Variants in MREG observed in about 807,000 individuals in gnomAD.
MREG encodes the protein melanoregulin.
A neutral mutation model predicts 28.5 loss-of-function variants in MREG; 31 were observed. The ratio of observed to expected loss-of-function variants is 1.09; its 90% CI spans 0.82 to 1.47. MREG has a LOEUF of 1.47. MREG is among the 40% of genes most tolerant of loss of function. MREG has a pLI of 0.00. For missense variants in MREG, 256 were observed against 257.4 expected, an observed-to-expected ratio of 0.99 and a Z score of 0.04; for synonymous variants, 106 against 95.2, an observed-to-expected ratio of 1.11 and a Z score of -0.66.
chr2:216,011,271 C>T lies in MREG; in HGVS notation c.95+1962G>A, dbSNP rs554773709. The stretch of plus-strand genomic sequence containing the variant: ...CAGGTACCCATATACACACACGCCA[C>T]TGTTCCACGTATCCATTAATAAGCT... On this transcript the variant is annotated intron_variant, in intron 1 of 4. Coordinates refer to ENST00000263268, the MANE Select transcript of MREG (RefSeq NM_018000.3). 5.3e-5 allele frequency among the ~76,000 whole-genome samples: 8 copies of T among 152,316 alleles called. No homozygotes were observed. In the East Asian group the frequency reaches 1.5e-3, roughly 29 times the overall value.
chr2:216,004,807 C>T (rs897107820), intron 1 of MREG, among the ~76,000 whole-genome samples: 1 of 152,040 alleles, frequency 6.6e-6, no homozygotes, highest in African/African-American at 2.4e-5. Flanking sequence ...ATGTGACATT[C>T]AGAACTGTAA....
chr2:215,982,648 G>A (rs1693462480), intron 2 of MREG, among the ~76,000 whole-genome samples: 1 of 152,058 alleles, frequency 6.6e-6, no homozygotes, highest in African/African-American at 2.4e-5. Flanking sequence ...GCCAATAACT[G>A]CTTGGGAACT....
intron 4 of MREG, 92 bp downstream of exon 4, chr2:215,945,479 G>T: frequency 1.4e-6 from 2 of 1,434,258 alleles, no homozygotes; most frequent in Non-Finnish European, 1.9e-6. Context: ...TGATAGTGAT[G>T]GTGGTGTTGG....
Position 216,013,237 on chromosome 2 carries a change from C to G in MREG, c.91G>C (p.Val31Leu), listed in dbSNP as rs773634849. The G allele has an allele frequency of 7.7e-6, 12 of 1,549,160 alleles. No individual in the cohort carries two copies. In the South Asian group the frequency reaches 1.3e-4, roughly 17 times the overall value. ...CGGCCCGGGCGGCGCACCCACCTGA[C>G]GAGGGGCTCCTTCTCAGGCAGGGCG... ...ERALPEKEPL[V>L]SDNNPYSSFG... Residue 31 changes from valine (V) to leucine (L), a missense_variant, in exon 1 of 5, where the codon GTC (valine) becomes CTC (leucine). By Grantham distance (32) the Val-to-Leu change is conservative. Transcript: ENST00000263268.
At chr2:215,998,969 T>C (rs1275313498) in intron 1 of MREG, among the ~76,000 whole-genome samples, 2 of 152,158 alleles carry the variant, frequency 1.3e-5, no homozygotes, top group Non-Finnish European at 2.9e-5. Context: ...TGATACGTTA[T>C]GTATGATGAG....
chr2:215,984,450 C>A (rs142213603), intron 2 of MREG, among the ~76,000 whole-genome samples: 1 of 139,104 alleles, frequency 7.2e-6, no homozygotes, highest in African/African-American at 2.8e-5. Context: ...CCCAGGAGGT[C>A]GAGGCTATCA....
chr2:215,979,873 T>C (rs1461999257), intron 2 of MREG, among the ~76,000 whole-genome samples: 2 of 151,290 alleles, frequency 1.3e-5, no homozygotes, highest in Non-Finnish European at 2.9e-5. Flanking sequence ...AAAATGTATA[T>C]GTCATCGACT....
intron 2 of MREG, among the ~76,000 whole-genome samples, chr2:215,984,416 G>A (rs1693509823): frequency 6.7e-6 from 1 of 150,262 alleles, no homozygotes. Context: ...GCTTTGGGAG[G>A]CCAAGGCAGA....
intron 1 of MREG, among the ~76,000 whole-genome samples, chr2:216,023,802 G>T (rs1295639280): frequency 6.6e-6 from 1 of 152,004 alleles, no homozygotes; most frequent in Admixed American, 6.6e-5. Context: ...TGAGTAGCTG[G>T]GATTACAGGC....
chr2:215,964,159 T>C (rs1213381112), intron 2 of MREG, among the ~76,000 whole-genome samples: 2 of 152,072 alleles, frequency 1.3e-5, no homozygotes, highest in African/African-American at 4.8e-5. Flanking sequence ...AGAAAAAGCA[T>C]TTGATACAAA....
At chr2:215,950,991 TTCTCTCTCTCTCTCTCTGTCTCTTTCTC>T (rs1559174180) in intron 2 of MREG, among the ~76,000 whole-genome samples, 2 of 149,712 alleles carry the variant, frequency 1.3e-5, no homozygotes, top group East Asian at 3.9e-4. Flanking sequence ...CGCTTCCCCC[TTCTCTCTCTCTCTCTCTGTCTCTTTCTC>T]TCTCTCTCTC....
At chr2:216,012,462 T>C (rs1694339322) in intron 1 of MREG, among the ~76,000 whole-genome samples, 1 of 152,250 alleles carries the variant, frequency 6.6e-6, no homozygotes. Flanking sequence ...TACTCAACCC[T>C]GGAATTCCAC....
upstream of MREG, among the ~76,000 whole-genome samples, chr2:216,017,013 C>T (rs1486170628): frequency 1.3e-5 from 2 of 152,190 alleles, no homozygotes; most frequent in African/African-American, 4.8e-5. Flanking sequence ...TGTTGACTAT[C>T]CACAACCTAA....
At chr2:215,960,990 C>T (rs1692769366) in intron 2 of MREG, among the ~76,000 whole-genome samples, 1 of 152,216 alleles carries the variant, frequency 6.6e-6, no homozygotes, top group Non-Finnish European at 1.5e-5. Flanking sequence ...TTTCACTGTT[C>T]CTAGACAGCT....
intron 1 of MREG, among the ~76,000 whole-genome samples, chr2:216,024,744 A>G (rs1389403027): frequency 6.6e-6 from 1 of 151,774 alleles, no homozygotes; most frequent in East Asian, 1.9e-4. Flanking sequence ...TCAGCTGGGC[A>G]TGGTGGCTCA....
intron 2 of MREG, among the ~76,000 whole-genome samples, chr2:215,979,796 A>G (rs1693369467): frequency 6.6e-6 from 1 of 152,016 alleles, no homozygotes; most frequent in African/African-American, 2.4e-5. Context: ...AGACACTCTA[A>G]GAAAAACCAA....
chr2:216,013,968 C>T (rs998540446), upstream of MREG, among the ~76,000 whole-genome samples: 1 of 151,920 alleles, frequency 6.6e-6, no homozygotes, highest in African/African-American at 2.4e-5. Flanking sequence ...TGTTTTCAAA[C>T]CTCCTAGTCC....
chr2:216,002,963 TTC>T (rs569476312), intron 1 of MREG, among the ~76,000 whole-genome samples: 3 of 151,514 alleles, frequency 2.0e-5, no homozygotes, highest in African/African-American at 4.9e-5. Context: ...CTCTCTTTCC[TTC>T]TCTCTCTCTT....
intron 1 of MREG, among the ~76,000 whole-genome samples, chr2:216,005,440 T>C (rs1162443233): frequency 7.5e-6 from 1 of 133,384 alleles, no homozygotes; most frequent in East Asian, 2.2e-4. Flanking sequence ...ACTTTCTAGT[T>C]ATTCTTTTTT....
Sources: allele counts gnomAD v4.1 joint callset (sites outside exome capture counted in the v4.1 genomes callset), GRCh38; gene constraint gnomAD v4.1.1; transcripts MANE v1.5; gene names NCBI Gene and HGNC (gene_info 2026-07-23, HGNC 2026-07-21).